The following ZNF780A variants were observed in gnomAD, a reference collection of about 807,000 sequenced individuals.
ZNF780A encodes zinc finger protein 780A.
Under a neutral mutation model 56.7 loss-of-function variants are expected in ZNF780A, and 40 were observed. That is an observed-to-expected ratio of 0.71 (90% CI 0.55 to 0.92). The LOEUF is 0.92. Ranked by LOEUF, ZNF780A falls within the 40% of genes least tolerant of loss-of-function variation. ZNF780A has a pLI of 0.00. For missense variants in ZNF780A, 672 were observed against 783.3 expected (o/e 0.86, Z 1.70); for synonymous variants, 231 against 248.3 (o/e 0.93, Z 0.66).
chr19:40,070,968 T>G (rs1432052338), downstream of ZNF780A: 1 of 152,046 alleles, frequency 6.6e-6, no homozygotes, highest in Non-Finnish European at 1.5e-5. Flanking sequence ...AAATAAAAAA[T>G]AGGAACATGA....
rs1973901293 is a variant in ZNF780A, at chr19:40,073,244, C to G, written c.*1272G>C. Reference sequence around the variant, plus strand: ...TTGACTATTCTTTCAAAACCCACAACAAGTATCAACTAGGTTTACCATCTT... The same window carrying G: ...TTGACTATTCTTTCAAAACCCACAAGAAGTATCAACTAGGTTTACCATCTT... On this transcript the variant is annotated 3_prime_UTR_variant, in exon 6 of 6. Coordinates refer to ENST00000683561, the MANE Select transcript of ZNF780A (RefSeq NM_001142578.2). The G allele has an allele frequency of 1.6e-5, 7 of 443,512 alleles. No homozygotes were observed. The highest frequency in any genetic ancestry group is 7.6e-5 in the South Asian group (1 of 13,134). 27.5% of individuals were successfully genotyped at this position (443,512 alleles called of 1,614,324 possible).
At chr19:40,085,777 G>A (rs991903285) in intron 2 of ZNF780A, among the ~76,000 whole-genome samples, 2 of 152,098 alleles carry the variant, frequency 1.3e-5, no homozygotes, top group Non-Finnish European at 2.9e-5. Context: ...CTACTCAGGA[G>A]GCTGAGGCAT....
chr19:40,087,673 T>C (rs761530848), intron 2 of ZNF780A, among the ~76,000 whole-genome samples: 3 of 152,116 alleles, frequency 2.0e-5, no homozygotes, highest in Non-Finnish European at 2.9e-5. Context: ...AAAATTTGTA[T>C]AGAACCACAA....
chr19:40,085,395 C>T, intron 2 of ZNF780A: 8 of 960,886 alleles, frequency 8.3e-6, no homozygotes, highest in Non-Finnish European at 9.9e-6. Context: ...ATTAAACGTT[C>T]AAGATATATG....
At chr19:40,088,382 T>A (rs1299937374) in intron 2 of ZNF780A, among the ~76,000 whole-genome samples, 1 of 151,758 alleles carries the variant, frequency 6.6e-6, no homozygotes, top group Non-Finnish European at 1.5e-5. Flanking sequence ...AGAAGACATA[T>A]AAATGGCCAA....
At chr19:40,084,885 A>G in intron 2 of ZNF780A, 87 bp from the exon 3 acceptor site, 2 of 1,455,074 alleles carry the variant, frequency 1.4e-6, no homozygotes, top group South Asian at 1.2e-5. Context: ...CTATTTCTCA[A>G]CTACTCCTGC....
Position 40,076,071 on chromosome 19 carries a change from T to A in ZNF780A, c.371A>T (p.Tyr124Phe). 6.2e-7 allele frequency: 1 copy of A among 1,613,970 alleles called. No individual in the cohort carries two copies. The highest frequency in any genetic ancestry group is 8.5e-7 in the Non-Finnish European group (1 of 1,179,972). ...EAFYFRNDSE[Y>F]RQFEGLQGYQ... ...TCCCTGTAGTCCCTCAAATTGTCTATATTCTGAGTCATTTCTAAAATAAAA... is the reference window on the plus strand; with the variant it reads ...TCCCTGTAGTCCCTCAAATTGTCTAAATTCTGAGTCATTTCTAAAATAAAA... Residue 124 changes from tyrosine (Y) to phenylalanine (F), a missense_variant, in exon 6 of 6, where the codon TAT (tyrosine) becomes TTT (phenylalanine). By Grantham distance (22) the Tyr-to-Phe change is conservative. Transcript: ENST00000683561.
Position 40,074,430 on chromosome 19 carries a change from A to G in ZNF780A, c.*86T>C. On this transcript the variant is annotated 3_prime_UTR_variant, in exon 6 of 6. Coordinates refer to ENST00000683561, the MANE Select transcript of ZNF780A (RefSeq NM_001142578.2). ...ATGAAGCCTTTCCCACACCCCTTAC[A>G]TTCACATGGTTTTACACCAGCACGA... 6.4e-7 allele frequency: 1 copy of G among 1,573,958 alleles called. No individual in the cohort carries two copies. Among genetic ancestry groups the G allele is most frequent in the East Asian group, 2.2e-5 (1 of 44,656 alleles).
chr19:40,076,030 T>C lies in ZNF780A; in HGVS notation c.412A>G (p.Ile138Val). 1 of 1,613,494 alleles carries C rather than the reference T, an allele frequency of 6.2e-7. No individual in the cohort carries two copies. Among genetic ancestry groups the C allele is most frequent in the Non-Finnish European group, 8.5e-7 (1 of 1,179,844 alleles). Residue 138 changes from isoleucine to valine, a missense_variant, in exon 6 of 6, where the codon ATC (isoleucine) becomes GTC (valine). Physicochemically the swap from Ile to Val is conservative, Grantham distance 29. Transcript: ENST00000683561. ...TCATAGCTGATCATCTTTTGATTGATATTTCCTTCTTGATATCCCTGTAGT... is the reference window on the plus strand; with the variant it reads ...TCATAGCTGATCATCTTTTGATTGACATTTCCTTCTTGATATCCCTGTAGT... ...EGLQGYQEGN[I>V]NQKMISYEKL...
downstream of ZNF780A, chr19:40,069,889 C>A (rs1232040696): frequency 2.6e-5 from 4 of 151,988 alleles, no homozygotes; most frequent in African/African-American, 9.7e-5. Context: ...TTGAGTAAGC[C>A]AGACACTTTT....
downstream of ZNF780A, chr19:40,070,639 A>G (rs1392417490): frequency 6.6e-6 from 1 of 152,236 alleles, no homozygotes; most frequent in Admixed American, 6.5e-5. Context: ...GAAATAGTCT[A>G]TGGATGCCTT....
At chr19:40,089,898 T>G (rs1018990988) in intron 2 of ZNF780A, among the ~76,000 whole-genome samples, 2 of 152,216 alleles carry the variant, frequency 1.3e-5, no homozygotes, top group African/African-American at 4.8e-5. Flanking sequence ...ACCTAAACAC[T>G]AATCTCCTCC....
Position 40,075,209 on chromosome 19 carries a change from A to T in ZNF780A, c.1233T>A (p.His411Gln), listed in dbSNP as rs759968672. 1.1e-5 allele frequency: 17 copies of T among 1,613,354 alleles called. No individual in the cohort carries two copies. The highest frequency in any genetic ancestry group is 2.7e-5 in the African/African-American group (2 of 74,658). ...SSNLVQHQSIHAGIKPYECKE... is the reference protein window; with the variant it reads ...SSNLVQHQSIQAGIKPYECKE... ...TACATTCATATGGTTTTATACCAGC[A>T]TGAATACTCTGATGTTGAACAAGGT... Residue 411 changes from histidine (H) to glutamine (Q), a missense_variant, in exon 6 of 6, where the codon CAT becomes CAA. Physicochemically the swap from His to Gln is conservative, Grantham distance 24. Transcript: ENST00000683561.
At chr19:40,069,855 A>G (rs1973757304), downstream of ZNF780A, 1 of 152,196 alleles carries the variant, frequency 6.6e-6, no homozygotes, top group Non-Finnish European at 1.5e-5. Context: ...CTGTAAAAGC[A>G]AGATGGAACA....
downstream of ZNF780A, chr19:40,072,907 T>C: frequency 6.4e-7 from 1 of 1,550,624 alleles, no homozygotes; most frequent in South Asian, 1.2e-5. Flanking sequence ...CCAAATGCAA[T>C]GCAGATTCTG....
rs903513854 is a variant in ZNF780A at position 40,074,869 on chromosome 19, CTGTG to C, written c.1569_1572del (p.His523GlnfsTer214). On this transcript the variant is annotated frameshift_variant, in exon 6 of 6. Transcript: ENST00000683561. LOFTEE classifies it high-confidence loss of function. ...TCCTTACATTCAAATGGTTTTTCAC[CTGTG>C]TGAGTTTTCTGATGTTGGGAAAGTT... 1 of 1,614,014 alleles carries C rather than the reference CTGTG, an allele frequency of 6.2e-7. No homozygotes were observed. The highest frequency in any genetic ancestry group is 1.3e-5 in the African/African-American group (1 of 74,910).
chr19:40,078,289 T>C (rs1193906657), intron 5 of ZNF780A, among the ~76,000 whole-genome samples: 1 of 152,032 alleles, frequency 6.6e-6, no homozygotes, highest in Non-Finnish European at 1.5e-5. Flanking sequence ...AAAGACCCTA[T>C]ATGGGACATC....
In ZNF780A at chr19:40,076,180, C is replaced by G; in HGVS notation, c.262G>C (p.Val88Leu). 6.4e-7 allele frequency: 1 copy of G among 1,569,826 alleles called. No individual in the cohort carries two copies. Among genetic ancestry groups the G allele is most frequent in the Non-Finnish European group, 8.6e-7 (1 of 1,164,070 alleles). Residue 88 changes from valine (V) to leucine (L), a missense_variant, in exon 6 of 6, where the codon GTA (valine) becomes CTA (leucine). Physicochemically the swap from Val to Leu is conservative, Grantham distance 32. Transcript: ENST00000683561. The stretch of plus-strand genomic sequence containing the variant: ...TCAGAGGTATCATTTTCTGGAGATA[C>G]TTTCTCAGGTCCATATTTTAACTCC... ...DLELKYGPEK[V>L]SPENDTSEVN...
chr19:40,084,652 GA>G, intron 3 of ZNF780A, 92 bp downstream of exon 3: 1 of 1,327,346 alleles, frequency 7.5e-7, no homozygotes, highest in Admixed American at 2.3e-5. Context: ...GTAAGATCGT[GA>G]ATTCTAGGTA....
Sources: allele counts gnomAD v4.1 joint callset (sites outside exome capture counted in the v4.1 genomes callset), GRCh38; gene constraint gnomAD v4.1.1; transcripts MANE v1.5; gene names NCBI Gene and HGNC (gene_info 2026-07-23, HGNC 2026-07-21).